The following GRID2 variants were observed in gnomAD, a reference collection of about 807,000 sequenced individuals.
The protein encoded by GRID2 is glutamate ionotropic receptor delta type subunit 2.
A neutral mutation model predicts 114.8 loss-of-function variants in GRID2; 33 were observed. The observed-to-expected ratio is 0.29, with a 90% CI of 0.22 to 0.38. The LOEUF is 0.38. GRID2 is among the 10% of genes least tolerant of loss of function. The pLI, the probability that GRID2 is intolerant of heterozygous loss-of-function variation, is 1.00. For missense variants in GRID2, 1,184 were observed against 1,257.7 expected, an observed-to-expected ratio of 0.94 and a Z score of 0.89; for synonymous variants, 505 against 449.9, an observed-to-expected ratio of 1.12 and a Z score of -1.55.
intron 11 of GRID2, among the ~76,000 whole-genome samples, chr4:93,476,480 A>C (rs937735337): frequency 6.6e-6 from 1 of 152,138 alleles, no homozygotes; most frequent in African/African-American, 2.4e-5. Flanking sequence ...GTAGTATTAG[A>C]TAGGAAAATG....
intron 13 of GRID2, among the ~76,000 whole-genome samples, chr4:93,525,983 A>G (rs564952445): frequency 6.6e-6 from 1 of 152,288 alleles, no homozygotes; most frequent in African/African-American, 2.4e-5. Context: ...TACTTCCCAA[A>G]TTGGAAAATG....
At chr4:92,516,956 A>G (rs539763944) in intron 1 of GRID2, among the ~76,000 whole-genome samples, 1 of 152,100 alleles carries the variant, frequency 6.6e-6, no homozygotes, top group African/African-American at 2.4e-5. Context: ...CATTTTAAGG[A>G]TGTGACTAAT....
At chr4:92,707,283 T>A (rs966911742) in intron 2 of GRID2, among the ~76,000 whole-genome samples, 2 of 152,134 alleles carry the variant, frequency 1.3e-5, no homozygotes, top group African/African-American at 4.8e-5. Context: ...ATCCAAACGG[T>A]GGGCACATTT....
intron 13 of GRID2, among the ~76,000 whole-genome samples, chr4:93,517,740 G>A (rs1729870998): frequency 1.3e-5 from 2 of 151,708 alleles, no homozygotes; most frequent in South Asian, 4.1e-4. Context: ...TCTTATTCAA[G>A]AAACTAGTCT....
chr4:93,784,645 T>TATACAC (rs1734555266), intron 1 of GRID2, among the ~76,000 whole-genome samples: 2 of 147,636 alleles, frequency 1.4e-5, no homozygotes, highest in African/African-American at 5.0e-5. Context: ...GTCCTTTTTA[T>TATACAC]ACACACACAC....
At chr4:93,017,882 C>CA (rs1430315749) in intron 2 of GRID2, among the ~76,000 whole-genome samples, 2 of 119,106 alleles carry the variant, frequency 1.7e-5, no homozygotes, top group South Asian at 2.7e-4. Flanking sequence ...AGACAGTAAG[C>CA]TTTTTTTTTT....
intron 13 of GRID2, among the ~76,000 whole-genome samples, chr4:93,576,230 A>G (rs1192883530): frequency 2.0e-5 from 3 of 152,156 alleles, no homozygotes; most frequent in African/African-American, 7.2e-5. Context: ...TGAGCAAGGA[A>G]TGTTTCTGGC....
rs554523405 is a variant in GRID2 at position 92,652,804 on chromosome 4, A to T, written c.244+62518A>T. On this transcript the variant is annotated intron_variant, in intron 2 of 15. Coordinates refer to ENST00000282020, the MANE Select transcript of GRID2 (RefSeq NM_001510.4). ...CAGCCTGGCCAAGATGGTGAAAAAA[A>T]AAATATATATATATATATAAATATA... Among the ~76,000 whole-genome samples, 21 of 138,042 alleles carry T rather than the reference A, an allele frequency of 1.5e-4. 1 individual carries two copies. Among genetic ancestry groups the T allele is most frequent in the African/African-American group, 5.1e-4 (19 of 37,324 alleles). 90.6% of individuals were successfully genotyped at this position (138,042 alleles called of 152,430 possible).
At position 92,876,595 on chromosome 4, in the gene GRID2, G is replaced by A. The variant is rs369597307; in HGVS notation, c.245-208400G>A. On this transcript the variant is annotated intron_variant, in intron 2 of 15. Coordinates refer to ENST00000282020, the MANE Select transcript of GRID2 (RefSeq NM_001510.4). ...GCTAGGATTACAGGCGTGAGCCACC[G>A]CACCCGGCCAAAAACCCAATTTTCT... Among the ~76,000 whole-genome samples, 23 of 152,174 alleles carry A rather than the reference G, an allele frequency of 1.5e-4. 1 individual carries two copies. The highest frequency in any genetic ancestry group is 4.3e-4 in the African/African-American group (18 of 41,520).
rs1408996389 is a variant in GRID2, at chr4:93,376,703, G to T, written c.1246-18904G>T. On this transcript the variant is annotated intron_variant, in intron 8 of 15. Transcript: ENST00000282020. ...ATGAAGCTGGAAGCCATTATCCTCA[G>T]CAAACTAACACAGAAACAGAAAACC... Among the ~76,000 whole-genome samples the T allele has an allele frequency of 3.3e-5, 5 of 152,176 alleles. No individual in the cohort carries two copies. In the East Asian group the frequency reaches 9.6e-4, roughly 29 times the overall value.
In GRID2 at chr4:93,008,418, G is replaced by A. The variant is rs149594269; in HGVS notation, c.245-76577G>A. On this transcript the variant is annotated intron_variant, in intron 2 of 15. Transcript: ENST00000282020. ...TGCAAATGAAGTAACAGCCTTTGAA[G>A]TCTCCTTAGTTCAAATCCCAATCTA... 1.5e-4 allele frequency among the ~76,000 whole-genome samples: 23 copies of A among 152,184 alleles called. No homozygotes were observed. The East Asian group carries it at 3.9e-3, about 26-fold the overall frequency.
At chr4:93,685,778 C>A (rs6828900) in intron 14 of GRID2, among the ~76,000 whole-genome samples, 6,238 of 152,122 alleles carry the variant, frequency 0.041, 196 homozygotes, top group African/African-American at 0.08. Flanking sequence ...GACTCTAGAA[C>A]CAGACTACTT....
rs1406082554 is a variant in GRID2, at chr4:92,486,559, A to T, written c.89-103572A>T. Reference sequence around the variant, plus strand: ...ATCTCTCTCTCTTTCACACACACACACACACACACACACACACACACACAC... The same window carrying T: ...ATCTCTCTCTCTTTCACACACACACTCACACACACACACACACACACACAC... On this transcript the variant is annotated intron_variant, in intron 1 of 15. Coordinates refer to ENST00000282020, the MANE Select transcript of GRID2 (RefSeq NM_001510.4). 4.5e-3 allele frequency among the ~76,000 whole-genome samples: 673 copies of T among 149,986 alleles called. 6 individuals carry two copies. The highest frequency in any genetic ancestry group is 0.016 in the African/African-American group (653 of 40,872).
intron 2 of GRID2, among the ~76,000 whole-genome samples, chr4:92,955,756 C>T (rs1025978494): frequency 4.6e-5 from 7 of 152,068 alleles, no homozygotes; most frequent in African/African-American, 1.2e-4. Context: ...TTAGGTCTAA[C>T]GTTTAAGTCT....
intron 11 of GRID2, among the ~76,000 whole-genome samples, chr4:93,464,264 A>C (rs1249435573): frequency 2.0e-5 from 3 of 152,162 alleles, no homozygotes; most frequent in Non-Finnish European, 4.4e-5. Flanking sequence ...TCTGTTTGAC[A>C]TGCCCAAACC....
chr4:92,896,644 C>T (rs1310073212), intron 2 of GRID2, among the ~76,000 whole-genome samples: 1 of 151,956 alleles, frequency 6.6e-6, no homozygotes, highest in Non-Finnish European at 1.5e-5. Context: ...AATTCATTTA[C>T]ATCATAACAA....
At chr4:93,607,376 G>A (rs563447156) in intron 13 of GRID2, among the ~76,000 whole-genome samples, 1 of 152,130 alleles carries the variant, frequency 6.6e-6, no homozygotes, top group East Asian at 1.9e-4. Flanking sequence ...ATAGCACCTT[G>A]TATAGCTCTA....
intron 2 of GRID2, among the ~76,000 whole-genome samples, chr4:92,937,015 A>G (rs1184864304): frequency 6.8e-6 from 1 of 146,112 alleles, no homozygotes; most frequent in Non-Finnish European, 1.5e-5. Context: ...TCCTTGGTCC[A>G]CTTTTTAAAA....
intron 2 of GRID2, among the ~76,000 whole-genome samples, chr4:92,893,904 A>G (rs1746972969): frequency 6.6e-6 from 1 of 152,170 alleles, no homozygotes; most frequent in South Asian, 2.1e-4. Flanking sequence ...TAAGTAAAGG[A>G]TGATGGTATC....
Sources: gnomAD v4.1 joint callset for allele counts (sites outside exome capture counted in the v4.1 genomes callset) on GRCh38, gnomAD v4.1.1 for gene constraint, MANE v1.5 for transcripts, NCBI Gene and HGNC (gene_info 2026-07-23, HGNC 2026-07-21) for gene names.